The following SV2C variants were observed in gnomAD, a reference collection of about 807,000 sequenced individuals.
SV2C encodes synaptic vesicle glycoprotein 2C, also known as solute carrier family 22 member B3.
In SV2C, 49 loss-of-function variants were observed where a neutral mutation model predicts 79.7. The observed-to-expected ratio is 0.61, with a 90% CI of 0.49 to 0.78. The LOEUF (loss-of-function observed/expected upper bound fraction) is 0.78, where lower values mean the gene tolerates loss of function less well. SV2C is among the 30% of genes least tolerant of loss of function. The pLI is 0.00. For synonymous variants in SV2C, 334 were observed against 333.2 expected, an observed-to-expected ratio of 1.00 and a Z score of -0.03; for missense variants, 833 against 912.9, an observed-to-expected ratio of 0.91 and a Z score of 1.13.
chr5:75,883,855 C>CA, the SV2C span, among the ~76,000 whole-genome samples: 2,928 of 134,280 alleles, frequency 0.022, 39 homozygotes, highest in East Asian at 0.037. Flanking sequence ...AAAAAAAAAA[C>CA]AAAAAAAAAA....
intron 4 of SV2C, among the ~76,000 whole-genome samples, chr5:76,232,088 C>T (rs201531960): frequency 0.083 from 11,888 of 143,422 alleles, 1,653 homozygotes; most frequent in African/African-American, 0.31. Context: ...TCCACATCCT[C>T]TCCAGCACCT....
At chr5:76,070,145 T>C in the SV2C span, among the ~76,000 whole-genome samples, 1 of 152,134 alleles carries the variant, frequency 6.6e-6, no homozygotes, top group Non-Finnish European at 1.5e-5. Context: ...GCTAGGCTTC[T>C]CTCATCCTGG....
rs17673963 is a variant in SV2C at position 76,140,093 on chromosome 5, A to T, written c.580+7763A>T. 2.1e-3 allele frequency among the ~76,000 whole-genome samples: 327 copies of T among 152,318 alleles called. 14 individuals are homozygous for T. The East Asian group carries it at 0.06, about 28-fold the overall frequency. On this transcript the variant is annotated intron_variant, in intron 2 of 12. Transcript: ENST00000502798. ...TACTTAAAACTTTCCTTTCAACTGT[A>T]CCAAGTCAGACTACTTGGCATTCCT...
chr5:76,039,427 G>A, the SV2C span, among the ~76,000 whole-genome samples: 1 of 152,112 alleles, frequency 6.6e-6, no homozygotes, highest in Non-Finnish European at 1.5e-5. Flanking sequence ...AAAGCTAGAG[G>A]GGATCTTAAC....
the SV2C span, among the ~76,000 whole-genome samples, chr5:75,995,562 A>C: frequency 8.5e-5 from 13 of 152,284 alleles, no homozygotes; most frequent in East Asian, 2.3e-3. Context: ...TTCGAAACAA[A>C]ATATGAAGGA....
At chr5:75,954,311 T>C in the SV2C span, among the ~76,000 whole-genome samples, 3 of 151,966 alleles carry the variant, frequency 2.0e-5, no homozygotes, top group Admixed American at 1.3e-4. Context: ...CAGGGAAAGG[T>C]ATGAAAGCTG....
At chr5:76,349,170 TGTAAA>T (rs902195601) in intron 12 of SV2C, among the ~76,000 whole-genome samples, 10 of 152,200 alleles carry the variant, frequency 6.6e-5, no homozygotes, top group East Asian at 1.9e-4. Context: ...GTTGAGTTAA[TGTAAA>T]GTATTTAGAA....
At chr5:76,144,411 G>A (rs1376883375) in intron 2 of SV2C, among the ~76,000 whole-genome samples, 3 of 152,226 alleles carry the variant, frequency 2.0e-5, no homozygotes, top group Non-Finnish European at 1.5e-5. Flanking sequence ...GAAGGGGTGG[G>A]GTTGGAATCC....
chr5:76,031,453 C>T, the SV2C span, among the ~76,000 whole-genome samples: 93 of 152,338 alleles, frequency 6.1e-4, 2 homozygotes, highest in South Asian at 0.019. Context: ...GCTGCTGTTA[C>T]CTTGATCCAC....
At chr5:76,234,029 C>G (rs1745530380) in intron 4 of SV2C, among the ~76,000 whole-genome samples, 2 of 151,978 alleles carry the variant, frequency 1.3e-5, no homozygotes, top group Admixed American at 1.3e-4. Flanking sequence ...GGGACAAGCT[C>G]TTTTAGGGAG....
the SV2C span, among the ~76,000 whole-genome samples, chr5:75,964,070 G>A: frequency 6.6e-6 from 1 of 152,082 alleles, no homozygotes; most frequent in Non-Finnish European, 1.5e-5. Flanking sequence ...GGCTTGGATT[G>A]TTTAAGGTCC....
At position 76,131,673 on chromosome 5, in the gene SV2C, T is replaced by G; in HGVS notation, c.-78T>G. On this transcript the variant is annotated 5_prime_UTR_variant, in exon 2 of 13. It removes an upstream start codon present in the reference 5' UTR. Coordinates refer to ENST00000502798, the MANE Select transcript of SV2C (RefSeq NM_014979.4). ...AGTTCTGTTTTGAACCCAAAGTGGA[T>G]GATGCTGTCAGAGCTGAACCACTGA... The G allele has an allele frequency of 1.6e-6, 2 of 1,244,678 alleles. No individual in the cohort carries two copies. The highest frequency in any genetic ancestry group is 2.2e-6 in the Non-Finnish European group (2 of 898,408). The allele number at this position is 1,244,678 out of a possible 1,614,324, so 77.1% of individuals were successfully genotyped here.
chr5:76,238,013 C>CACATACACATACAT (rs1356584379), intron 4 of SV2C, among the ~76,000 whole-genome samples: 1 of 135,330 alleles, frequency 7.4e-6, no homozygotes. Context: ...CATACATATA[C>CACATACACATACAT]ACACAATCAC....
At chr5:76,267,619 T>C (rs1314859910) in intron 4 of SV2C, among the ~76,000 whole-genome samples, 1 of 152,258 alleles carries the variant, frequency 6.6e-6, no homozygotes, top group East Asian at 1.9e-4. Context: ...GAACAGGTGA[T>C]ACATGCTGGG....
intron 2 of SV2C, chr5:76,174,201 A>G (rs763441254): frequency 6.2e-7 from 1 of 1,611,160 alleles, no homozygotes; most frequent in Non-Finnish European, 8.5e-7. Context: ...GCTTGTCAAA[A>G]CCTAGTACTC....
At chr5:75,889,217 A>G in the SV2C span, among the ~76,000 whole-genome samples, 1 of 151,080 alleles carries the variant, frequency 6.6e-6, no homozygotes, top group Non-Finnish European at 1.5e-5. Flanking sequence ...CCCCACGTGC[A>G]TTAGGTATTT....
the SV2C span, among the ~76,000 whole-genome samples, chr5:76,060,133 A>C: frequency 6.6e-6 from 1 of 152,150 alleles, no homozygotes. Flanking sequence ...GAGCCTAGGA[A>C]GAGTAGATTT....
At chr5:75,911,562 A>G in the SV2C span, 1 of 670,732 alleles carries the variant, frequency 1.5e-6, no homozygotes, top group East Asian at 2.6e-5. Context: ...GTACCTCCCT[A>G]GAGTTCTCCC....
chr5:76,288,690 G>T (rs77456929), intron 6 of SV2C, among the ~76,000 whole-genome samples: 3,181 of 152,252 alleles, frequency 0.021, 89 homozygotes, highest in East Asian at 0.089. Context: ...ATGTGTTAAT[G>T]TTGTTACATG....
Sources: allele counts gnomAD v4.1 joint callset (sites outside exome capture counted in the v4.1 genomes callset), GRCh38; gene constraint gnomAD v4.1.1; transcripts MANE v1.5; gene names NCBI Gene and HGNC (gene_info 2026-07-23, HGNC 2026-07-21).